The following CCSER1 variants were observed in gnomAD, a reference collection of about 807,000 sequenced individuals.
The protein encoded by CCSER1 is coiled-coil serine rich protein 1.
CCSER1 carries 41 observed loss-of-function variants against 82.0 expected under a neutral mutation model. The ratio of observed to expected loss-of-function variants is 0.50; its 90% CI spans 0.39 to 0.65. The LOEUF is 0.65. CCSER1 is among the 30% of genes least tolerant of loss of function. The pLI, the probability that CCSER1 is intolerant of heterozygous loss-of-function variation, is 0.00. For missense variants in CCSER1, 1,119 were observed against 1,064.2 expected (o/e 1.05, Z -0.72); for synonymous variants, 414 against 383.9 (o/e 1.08, Z -0.92).
chr4:90,984,767 C>A (rs866626886), intron 9 of CCSER1, among the ~76,000 whole-genome samples: 1 of 151,770 alleles, frequency 6.6e-6, no homozygotes, highest in African/African-American at 2.4e-5. Flanking sequence ...TCCATTGCAT[C>A]TCTTTTAAAG....
chr4:90,753,796 AC>A (rs1749087588), intron 7 of CCSER1, among the ~76,000 whole-genome samples: 1 of 151,950 alleles, frequency 6.6e-6, no homozygotes, highest in African/African-American at 2.4e-5. Context: ...TACATGTTCT[AC>A]CCCATGGCAG....
intron 10 of CCSER1, among the ~76,000 whole-genome samples, chr4:91,417,248 T>A (rs749374992): frequency 6.6e-6 from 1 of 151,766 alleles, no homozygotes; most frequent in African/African-American, 2.4e-5. Flanking sequence ...TTGGTGGAAG[T>A]GTAAATTAGT....
chr4:91,390,326 A>T (rs1304123474), intron 10 of CCSER1, among the ~76,000 whole-genome samples: 1 of 151,750 alleles, frequency 6.6e-6, no homozygotes, highest in Non-Finnish European at 1.5e-5. Context: ...TTTCCTCTTT[A>T]GCCTGCTGAT....
rs148209281 is a variant in CCSER1 at position 90,758,173 on chromosome 4, G to C, written c.2010+34182G>C. 5.3e-3 allele frequency among the ~76,000 whole-genome samples: 812 copies of C among 152,224 alleles called. 7 individuals carry two copies. The highest frequency in any genetic ancestry group is 0.019 in the African/African-American group (780 of 41,544). ...GGCTGGGCTCGAACCCTGACCCCAG[G>C]TGATCCGCCTGCGTCGGCCTCCCAA... On this transcript the variant is annotated intron_variant, in intron 7 of 10. Coordinates refer to ENST00000509176, the MANE Select transcript of CCSER1 (RefSeq NM_001145065.2).
chr4:91,209,548 C>G (rs1352969181), intron 10 of CCSER1, among the ~76,000 whole-genome samples: 1 of 151,872 alleles, frequency 6.6e-6, no homozygotes, highest in Non-Finnish European at 1.5e-5. Context: ...CACCTTGCAT[C>G]CCAGGGATAA....
chr4:91,072,071 C>G (rs1721495163), intron 9 of CCSER1, among the ~76,000 whole-genome samples: 1 of 152,102 alleles, frequency 6.6e-6, no homozygotes, highest in African/African-American at 2.4e-5. Context: ...AATCTAGTTT[C>G]AGGATAAACT....
rs1418989346 is a variant in CCSER1 at position 90,984,209 on chromosome 4, G to T, written c.2172+60762G>T. Among the ~76,000 whole-genome samples the T allele has an allele frequency of 8.6e-5, 13 of 151,872 alleles. 1 individual carries two copies. The East Asian group carries it at 2.5e-3, about 30-fold the overall frequency. On this transcript the variant is annotated intron_variant, in intron 9 of 10. Transcript: ENST00000509176. Reference sequence around the variant, plus strand: ...GTTCACACACCATTTGTCCTTAAAGGTGCGTTGTTGAGAAAGTGCAATGTA... The same window carrying T: ...GTTCACACACCATTTGTCCTTAAAGTTGCGTTGTTGAGAAAGTGCAATGTA...
chr4:90,483,287 C>T (rs1322940133), intron 5 of CCSER1, among the ~76,000 whole-genome samples: 1 of 152,178 alleles, frequency 6.6e-6, no homozygotes, highest in East Asian at 1.9e-4. Context: ...AGATGGGTCT[C>T]CTGAATACAG....
At chr4:90,243,893 C>G (rs1190154464) in intron 1 of CCSER1, among the ~76,000 whole-genome samples, 2 of 151,296 alleles carry the variant, frequency 1.3e-5, no homozygotes, top group Non-Finnish European at 2.9e-5. Context: ...TCCTGTTAAC[C>G]TCTTGGTACA....
chr4:90,834,383 C>T (rs1212062795), intron 8 of CCSER1, among the ~76,000 whole-genome samples: 2 of 152,270 alleles, frequency 1.3e-5, no homozygotes, highest in African/African-American at 2.4e-5. Context: ...TGATAATGAA[C>T]ACCACATTGA....
chr4:91,104,435 T>G (rs1194197216), intron 10 of CCSER1, among the ~76,000 whole-genome samples: 1 of 152,136 alleles, frequency 6.6e-6, no homozygotes, highest in East Asian at 1.9e-4. Context: ...GCTGTAAAAT[T>G]CCTCTCTTTG....
At chr4:90,149,096 A>G (rs924562425) in intron 1 of CCSER1, among the ~76,000 whole-genome samples, 4 of 152,320 alleles carry the variant, frequency 2.6e-5, no homozygotes, top group African/African-American at 4.8e-5. Context: ...AACAGCTGTC[A>G]GTATTTACCA....
At chr4:90,186,821 G>T (rs1734700400) in intron 1 of CCSER1, among the ~76,000 whole-genome samples, 1 of 151,432 alleles carries the variant, frequency 6.6e-6, no homozygotes, top group Non-Finnish European at 1.5e-5. Context: ...CTGTCACTTT[G>T]CTGCCTGTGA....
chr4:91,443,564 T>G (rs1755348725), intron 10 of CCSER1, among the ~76,000 whole-genome samples: 1 of 148,816 alleles, frequency 6.7e-6, no homozygotes, highest in African/African-American at 2.5e-5. Flanking sequence ...AAATGATGAG[T>G]TAATGGGTGC....
At chr4:91,480,581 A>C (rs2110041866) in intron 10 of CCSER1, among the ~76,000 whole-genome samples, 1 of 152,320 alleles carries the variant, frequency 6.6e-6, no homozygotes, top group South Asian at 2.1e-4. Flanking sequence ...TGTGTACTGT[A>C]ACAGAAATGT....
chr4:91,095,290 T>C lies in CCSER1; in HGVS notation c.2217+9296T>C, dbSNP rs902087486. 3.9e-5 allele frequency among the ~76,000 whole-genome samples: 6 copies of C among 152,284 alleles called. 1 individual carries two copies. The East Asian group carries it at 7.7e-4, about 20-fold the overall frequency. On this transcript the variant is annotated intron_variant, in intron 10 of 10. Transcript: ENST00000509176. The stretch of plus-strand genomic sequence containing the variant: ...TCCTTTAGTTGGAGACACTTATCTT[T>C]CCAATGTCCTATTTCTTTACAGTAG...
chr4:91,127,974 A>G (rs1346849422), intron 10 of CCSER1, among the ~76,000 whole-genome samples: 1 of 152,008 alleles, frequency 6.6e-6, no homozygotes, highest in Non-Finnish European at 1.5e-5. Context: ...GTCCTTTTCA[A>G]AAGTCCCCTA....
intron 9 of CCSER1, among the ~76,000 whole-genome samples, chr4:91,052,250 T>C (rs1743072421): frequency 6.6e-6 from 1 of 152,088 alleles, no homozygotes; most frequent in South Asian, 2.1e-4. Flanking sequence ...TTTTCCATTC[T>C]CTACTCAAGT....
intron 3 of CCSER1, among the ~76,000 whole-genome samples, chr4:90,338,672 A>C (rs1298674862): frequency 2.0e-5 from 3 of 152,232 alleles, no homozygotes; most frequent in Non-Finnish European, 2.9e-5. Context: ...TATACAAAAA[A>C]TAATGAAAAT....
Sources: gnomAD v4.1 joint callset for allele counts (sites outside exome capture counted in the v4.1 genomes callset) on GRCh38, gnomAD v4.1.1 for gene constraint, MANE v1.5 for transcripts, NCBI Gene and HGNC (gene_info 2026-07-23, HGNC 2026-07-21) for gene names.